Variants in UVRAG observed in about 807,000 individuals in gnomAD.
UVRAG encodes the protein UV radiation resistance associated.
In UVRAG, 19 loss-of-function variants were observed where a neutral mutation model predicts 78.0. The ratio of observed to expected loss-of-function variants is 0.24; its 90% CI spans 0.17 to 0.36. The LOEUF is 0.36. Ranked by LOEUF, UVRAG falls within the 10% of genes least tolerant of loss-of-function variation. The pLI is 1.00. For missense variants in UVRAG, 740 were observed against 853.8 expected, an observed-to-expected ratio of 0.87 and a Z score of 1.66; for synonymous variants, 323 against 324.6, an observed-to-expected ratio of 1.00 and a Z score of 0.05.
At chr11:75,949,774 C>T (rs1263467303) in intron 6 of UVRAG, among the ~76,000 whole-genome samples, 3 of 147,606 alleles carry the variant, frequency 2.0e-5, no homozygotes, top group African/African-American at 7.7e-5. Flanking sequence ...CATATATACA[C>T]ATATATATAC....
At chr11:76,002,590 T>C (rs1949836116) in intron 8 of UVRAG, among the ~76,000 whole-genome samples, 1 of 152,170 alleles carries the variant, frequency 6.6e-6, no homozygotes, top group African/African-American at 2.4e-5. Flanking sequence ...TCATATACTT[T>C]CTGATGAAGT....
intron 5 of UVRAG, among the ~76,000 whole-genome samples, chr11:75,907,563 G>C (rs964276483): frequency 6.6e-6 from 1 of 151,968 alleles, no homozygotes; most frequent in Non-Finnish European, 1.5e-5. Flanking sequence ...ACTTAGGCTG[G>C]AATGCAGTGG....
intron 1 of UVRAG, among the ~76,000 whole-genome samples, chr11:75,840,374 A>C (rs963797801): frequency 1.3e-5 from 2 of 152,014 alleles, no homozygotes; most frequent in Non-Finnish European, 2.9e-5. Flanking sequence ...TAGCGGATCT[A>C]CCTGTTTCTT....
intron 12 of UVRAG, among the ~76,000 whole-genome samples, chr11:76,038,969 T>A (rs1341861086): frequency 6.6e-6 from 1 of 152,212 alleles, no homozygotes; most frequent in African/African-American, 2.4e-5. Context: ...TGATTTTAGA[T>A]TTCTTAGATC....
At chr11:76,073,842 A>G (rs1045583411) in intron 13 of UVRAG, among the ~76,000 whole-genome samples, 1 of 152,208 alleles carries the variant, frequency 6.6e-6, no homozygotes, top group African/African-American at 2.4e-5. Flanking sequence ...AAAAGCACTT[A>G]AAATACTCCT....
intron 12 of UVRAG, among the ~76,000 whole-genome samples, chr11:76,055,785 C>T (rs1414353663): frequency 1.3e-5 from 2 of 152,168 alleles, no homozygotes; most frequent in Non-Finnish European, 2.9e-5. Context: ...TCTCGGCTCA[C>T]TGCAAGCTCC....
intron 13 of UVRAG, among the ~76,000 whole-genome samples, chr11:76,071,544 G>GT (rs1251988921): frequency 6.6e-6 from 1 of 152,116 alleles, no homozygotes; most frequent in Admixed American, 6.6e-5. Context: ...GATTTGATAT[G>GT]TTTTTTCCCA....
chr11:75,867,700 T>C (rs976429336), intron 3 of UVRAG, among the ~76,000 whole-genome samples: 3 of 152,232 alleles, frequency 2.0e-5, no homozygotes, highest in African/African-American at 7.2e-5. Flanking sequence ...CCAAATAGTT[T>C]TCCAAAATTA....
At chr11:75,951,544 G>A (rs1052641337) in intron 6 of UVRAG, among the ~76,000 whole-genome samples, 6 of 152,020 alleles carry the variant, frequency 3.9e-5, no homozygotes, top group Non-Finnish European at 8.8e-5. Context: ...CATCACGCCT[G>A]GCTAATTTTG....
chr11:75,951,005 T>G (rs999733656), intron 6 of UVRAG, among the ~76,000 whole-genome samples: 1 of 132,520 alleles, frequency 7.5e-6, no homozygotes, highest in Non-Finnish European at 1.6e-5. Context: ...CACACACACA[T>G]ATCCCAAGTG....
chr11:76,086,899 T>A (rs1343596400), intron 13 of UVRAG, among the ~76,000 whole-genome samples: 1 of 152,262 alleles, frequency 6.6e-6, no homozygotes, highest in Admixed American at 6.5e-5. Flanking sequence ...GTTAGTCATC[T>A]GAATTCTAGC....
Position 75,833,964 on chromosome 11 carries a change from A to G in UVRAG, c.118-17919A>G, listed in dbSNP as rs557797516. Among the ~76,000 whole-genome samples, 4 of 152,266 alleles carry G rather than the reference A, an allele frequency of 2.6e-5. 1 individual carries two copies. The highest frequency in any genetic ancestry group is 9.6e-5 in the African/African-American group (4 of 41,590). On this transcript the variant is annotated intron_variant, in intron 1 of 14. Transcript: ENST00000356136. ...TCATGGCCATCACGAACATGTCACT[A>G]GTGCTGCAGAGATTTTGTTTATGGC...
At chr11:76,031,092 A>T (rs1248819150) in intron 12 of UVRAG, among the ~76,000 whole-genome samples, 1 of 152,152 alleles carries the variant, frequency 6.6e-6, no homozygotes, top group East Asian at 1.9e-4. Flanking sequence ...CTATTAGGTA[A>T]TCTGACACTC....
intron 1 of UVRAG, among the ~76,000 whole-genome samples, chr11:75,828,774 TACACACATATATATATATATATATA>T (rs1945585830): frequency 9.9e-6 from 1 of 100,850 alleles, no homozygotes; most frequent in Non-Finnish European, 2.0e-5. Context: ...TATATATATA[TACACACATATATATATATATATATA>T]TATATATTTT....
intron 6 of UVRAG, among the ~76,000 whole-genome samples, chr11:75,913,918 A>C (rs895355450): frequency 2.0e-4 from 31 of 152,196 alleles, no homozygotes; most frequent in Non-Finnish European, 7.3e-5. Context: ...GTTCATATCT[A>C]GAGTATTTTT....
intron 3 of UVRAG, among the ~76,000 whole-genome samples, chr11:75,873,973 T>G (rs759089490): frequency 3.9e-5 from 6 of 152,232 alleles, no homozygotes; most frequent in Non-Finnish European, 7.3e-5. Context: ...TCTTAGCTAA[T>G]CTGTAATGAA....
At chr11:76,034,016 A>G (rs1387072623) in intron 12 of UVRAG, among the ~76,000 whole-genome samples, 2 of 152,188 alleles carry the variant, frequency 1.3e-5, no homozygotes, top group African/African-American at 4.8e-5. Context: ...TGTTACATAT[A>G]TGCATCCTAC....
intron 4 of UVRAG, among the ~76,000 whole-genome samples, chr11:75,883,697 A>G (rs1947007334): frequency 1.3e-5 from 2 of 152,210 alleles, no homozygotes; most frequent in South Asian, 4.1e-4. Context: ...ACCTTCATAG[A>G]GAGCTGTGAG....
At chr11:75,987,208 T>C (rs1157987401) in intron 8 of UVRAG, among the ~76,000 whole-genome samples, 14 of 152,216 alleles carry the variant, frequency 9.2e-5, no homozygotes, top group Admixed American at 9.2e-4. Flanking sequence ...CTGTTTTACA[T>C]TCCTACCAAC....
Sources: allele counts gnomAD v4.1 joint callset (sites outside exome capture counted in the v4.1 genomes callset), GRCh38; gene constraint gnomAD v4.1.1; transcripts MANE v1.5; gene names NCBI Gene and HGNC (gene_info 2026-07-23, HGNC 2026-07-21).